HSPG2: variants seen among roughly 807,000 people sequenced by gnomAD.
HSPG2 encodes heparan sulfate proteoglycan 2.
HSPG2 carries 278 observed loss-of-function variants against 526.6 expected under a neutral mutation model. The observed-to-expected ratio is 0.53, with a 90% confidence interval of 0.48 to 0.58. The LOEUF (loss-of-function observed/expected upper bound fraction) is 0.58. HSPG2 is among the 20% of genes least tolerant of loss of function. The pLI is 0.00. For missense variants in HSPG2, 5,354 were observed against 6,099.5 expected (o/e 0.88, Z 4.07); for synonymous variants, 2,465 against 2,555.4 (o/e 0.96, Z 1.07).
In HSPG2 at chr1:21,855,684, T is replaced by A. The variant is rs1215549721; in HGVS notation, c.5702-9A>T. 3 of 1,580,066 alleles carry A rather than the reference T, an allele frequency of 1.9e-6. No individual in the cohort carries two copies. The highest frequency in any genetic ancestry group is 1.7e-4 in the Middle Eastern group (1 of 6,042). On this transcript the variant is annotated splice_polypyrimidine_tract_variant and intron_variant, in intron 45 of 96. Transcript: ENST00000374695. ...CTGGCCGCCGGGGCCCCCTGACGAGTAGACGTGGGGTCAGCACCCACCAAG... is the reference window on the plus strand; with the variant it reads ...CTGGCCGCCGGGGCCCCCTGACGAGAAGACGTGGGGTCAGCACCCACCAAG...
At chr1:21,870,356 G>T in intron 33 of HSPG2, 1 of 935,886 alleles carries the variant, frequency 1.1e-6, no homozygotes, top group Non-Finnish European at 1.3e-6. Flanking sequence ...ACCTCCCAAA[G>T]TCCTGGAGCT....
At chr1:21,841,489 A>T in intron 70 of HSPG2, 50 bp downstream of exon 70, 1 of 1,612,208 alleles carries the variant, frequency 6.2e-7, no homozygotes, top group Non-Finnish European at 8.5e-7. Context: ...CTGAGCTGAG[A>T]ATCAGGGCTG....
At position 21,832,483 on chromosome 1, in the gene HSPG2, TG is replaced by T. The variant is rs779369765; in HGVS notation, c.11207+11del. 8.1e-6 allele frequency: 13 copies of T among 1,608,184 alleles called. No individual in the cohort carries two copies. Among genetic ancestry groups the T allele is most frequent in the Non-Finnish European group, 1.1e-5 (13 of 1,174,534 alleles). On this transcript the variant is annotated intron_variant, in intron 81 of 96. Transcript: ENST00000374695. ...CCAGTCCCCCTGTAGGTGGGGAGGC[TG>T]GGGGTCTCACCGGAACTCGGGCCTT...
Position 21,861,998 on chromosome 1 carries a change from G to T in HSPG2, c.4858C>A (p.Pro1620Thr). The change falls in exon 38 of 97, where the codon CCA (proline) becomes ACA (threonine). Residue 1620 changes from proline to threonine, a missense_variant. By Grantham distance (38) the Pro-to-Thr change is conservative (BLOSUM62 -1). Coordinates refer to ENST00000374695, the MANE Select transcript of HSPG2 (RefSeq NM_005529.7). ...CQPCACPLTNPENMFSRTCES... is the reference protein window; with the variant it reads ...CQPCACPLTNTENMFSRTCES... ...AGCTAGGGTACCCACATGTTCTCTG[G>T]GTTGGTCAGTGGGCAGGCACAGGGC... 2 of 1,614,190 alleles carry T rather than the reference G, an allele frequency of 1.2e-6. No homozygotes were observed. The highest frequency in any genetic ancestry group is 1.7e-6 in the Non-Finnish European group (2 of 1,180,038).
At chr1:21,834,176 T>C (rs999211605) in intron 77 of HSPG2, among the ~76,000 whole-genome samples, 3 of 152,136 alleles carry the variant, frequency 2.0e-5, no homozygotes, top group South Asian at 2.1e-4. Flanking sequence ...GGGCAAAAAA[T>C]TGTGCAGCCC....
Position 21,823,299 on chromosome 1 carries a change from G to T in HSPG2, c.*17C>A, listed in dbSNP as rs1336826287. 2 of 1,511,100 alleles carry T rather than the reference G, an allele frequency of 1.3e-6. No homozygotes were observed. Among genetic ancestry groups the T allele is most frequent in the East Asian group, 2.5e-5 (1 of 40,558 alleles). The allele number at this position is 1,511,100 out of a possible 1,614,324, so 93.6% of individuals were successfully genotyped here. ...GCTGGGGCGTGGCCCGGGAGTCCGT[G>T]TGGGGCAGGCAGGTGCCTACGAGGG... On this transcript the variant is annotated 3_prime_UTR_variant, in exon 97 of 97. Coordinates refer to ENST00000374695, the MANE Select transcript of HSPG2 (RefSeq NM_005529.7).
rs1389372818 is a variant in HSPG2 at position 21,822,433 on chromosome 1, C to G, written c.*883G>C. 1.7e-6 allele frequency: 1 copy of G among 579,778 alleles called. No homozygotes were observed. The highest frequency in any genetic ancestry group is 2.9e-5 in the East Asian group (1 of 34,516). The allele number at this position is 579,778 out of a possible 1,614,324, so 35.9% of individuals were successfully genotyped here. ...ATATCCCCCTCCTCTCTCTCTCAGT[C>G]GTGAGTCCTGCCTTCCCCCACCTAA... On this transcript the variant is annotated 3_prime_UTR_variant, in exon 97 of 97. Coordinates refer to ENST00000374695, the MANE Select transcript of HSPG2 (RefSeq NM_005529.7).
At position 21,855,622 on chromosome 1, in the gene HSPG2, G is replaced by A. The variant is rs2229474; in HGVS notation, c.5755C>T (p.Arg1919Cys). 9.8e-3 allele frequency: 15,462 copies of A among 1,576,754 alleles called. 99 individuals are homozygous for A. Among genetic ancestry groups the A allele is most frequent in the Non-Finnish European group, 0.012 (13,934 of 1,164,142 alleles). Residue 1919 changes from arginine to cysteine, a missense_variant, in exon 46 of 97, where the codon CGC becomes TGC. By Grantham distance (180) the Arg-to-Cys change is radical. Transcript: ENST00000374695. ...AKAQIHGGIL[R>C]LPAVEPTDQA... ...TCCGTGGGCTCGACAGCTGGCAGGC[G>A]CAGGATGCCGCCGTGGATTTGTGCC...
intron 1 of HSPG2, among the ~76,000 whole-genome samples, chr1:21,922,169 A>G (rs1644057383): frequency 6.6e-6 from 1 of 152,178 alleles, no homozygotes; most frequent in Admixed American, 6.5e-5. Context: ...ATGATCTCTA[A>G]TCTTCACCAA....
In HSPG2 at chr1:21,847,913, C is replaced by T. The variant is rs764619912; in HGVS notation, c.7873+45G>A. Reference sequence around the variant, plus strand: ...GATGGCACCGGGGACCTCTCTGCCACCCTCTGCGCCACTTGTCTGTACCCC... The same window carrying T: ...GATGGCACCGGGGACCTCTCTGCCATCCTCTGCGCCACTTGTCTGTACCCC... On this transcript the variant is annotated intron_variant, in intron 60 of 96. Coordinates refer to ENST00000374695, the MANE Select transcript of HSPG2 (RefSeq NM_005529.7). The surrounding 1 kb of genome is among the most constrained non-coding windows in gnomAD (Gnocchi z 4.1). The T allele has an allele frequency of 3.1e-6, 5 of 1,613,816 alleles. No homozygotes were observed. The highest frequency in any genetic ancestry group is 1.1e-5 in the South Asian group (1 of 91,086).
Position 21,910,674 on chromosome 1 carries a change from TACTG to T in HSPG2, c.64-14368_64-14365del, listed in dbSNP as rs943298169. Among the ~76,000 whole-genome samples, 4 of 152,130 alleles carry T rather than the reference TACTG, an allele frequency of 2.6e-5. No homozygotes were observed. The South Asian group carries it at 6.2e-4, about 24-fold the overall frequency. ...ACACAGTAGGTGCCAAATAAATATT[TACTG>T]ACTGATACAAATATTTAAAGAATGT... On this transcript the variant is annotated intron_variant, in intron 1 of 96. Coordinates refer to ENST00000374695, the MANE Select transcript of HSPG2 (RefSeq NM_005529.7).
At chr1:21,930,130 G>T (rs1644311007) in intron 1 of HSPG2, among the ~76,000 whole-genome samples, 1 of 151,852 alleles carries the variant, frequency 6.6e-6, no homozygotes, top group East Asian at 1.9e-4. Context: ...CAGCCCCACG[G>T]GCCTCCTTGC....
intron 1 of HSPG2, among the ~76,000 whole-genome samples, chr1:21,906,430 G>T (rs1450730238): frequency 6.6e-6 from 1 of 152,212 alleles, no homozygotes; most frequent in Non-Finnish European, 1.5e-5. Context: ...AAGGAGGTCG[G>T]CTCCCCCTGC....
Position 21,828,456 on chromosome 1 carries a change from A to C in HSPG2, c.12238-30T>G. On this transcript the variant is annotated intron_variant, in intron 88 of 96. Coordinates refer to ENST00000374695, the MANE Select transcript of HSPG2 (RefSeq NM_005529.7). This position sits in a 1 kb window ranked among gnomAD's most constrained non-coding sequence, Gnocchi z 6.0. The stretch of plus-strand genomic sequence containing the variant: ...GGGGACAGGGACACCGAGGGACTAA[A>C]GGGGCCTGGGAGGCAGAGACCCAGG... The C allele has an allele frequency of 6.2e-7, 1 of 1,610,034 alleles. No individual in the cohort carries two copies. The highest frequency in any genetic ancestry group is 8.5e-7 in the Non-Finnish European group (1 of 1,179,254).
Position 21,875,599 on chromosome 1 carries a change from T to A in HSPG2, c.3302+30A>T, listed in dbSNP as rs778685782. On this transcript the variant is annotated intron_variant, in intron 25 of 96. Coordinates refer to ENST00000374695, the MANE Select transcript of HSPG2 (RefSeq NM_005529.7). ...TAGATGGAGCCCCTCCCCAAGCCCA[T>A]GCTGGTCCTCCTGCCCCGGCTCCAG... 3.8e-6 allele frequency: 6 copies of A among 1,560,686 alleles called. No homozygotes were observed. The Admixed American group carries it at 1.0e-4, about 26-fold the overall frequency.
intron 57 of HSPG2, among the ~76,000 whole-genome samples, 169 bp downstream of exon 57, chr1:21,849,872 G>T (rs1469687866): frequency 1.3e-5 from 2 of 152,188 alleles, no homozygotes; most frequent in African/African-American, 4.8e-5. Context: ...TAGAGATGGG[G>T]TTTCATTATG....
intron 1 of HSPG2, among the ~76,000 whole-genome samples, chr1:21,923,813 A>G (rs1644110626): frequency 6.6e-6 from 1 of 152,172 alleles, no homozygotes; most frequent in South Asian, 2.1e-4. Context: ...GATCCAACAC[A>G]AGGCCTCGCA....
At position 21,890,715 on chromosome 1, in the gene HSPG2, C is replaced by A. The variant is rs770427672; in HGVS notation, c.245-21G>T. The A allele has an allele frequency of 1.3e-6, 2 of 1,569,108 alleles. No individual in the cohort carries two copies. Among genetic ancestry groups the A allele is most frequent in the African/African-American group, 2.7e-5 (2 of 74,090 alleles). ...ATAAACTGGAAAATCGAAGGAGGAT[C>A]ATTTTGAGAGCCCCAGCCTGGCATC... On this transcript the variant is annotated intron_variant, in intron 3 of 96. Coordinates refer to ENST00000374695, the MANE Select transcript of HSPG2 (RefSeq NM_005529.7). The surrounding 1 kb of genome is among the most constrained non-coding windows in gnomAD (Gnocchi z 4.1).
chr1:21,871,258 G>GT (rs5772965), intron 33 of HSPG2, among the ~76,000 whole-genome samples: 86,549 of 114,628 alleles, frequency 0.76, 33,518 homozygotes, highest in East Asian at 0.86. Context: ...CAGAGTATTT[G>GT]TTTTTTTTTT....
Sources: allele counts gnomAD v4.1 joint callset (sites outside exome capture counted in the v4.1 genomes callset), GRCh38; gene constraint gnomAD v4.1.1; non-coding constraint Gnocchi (gnomAD v3.1); transcripts MANE v1.5; gene names NCBI Gene and HGNC (gene_info 2026-07-23, HGNC 2026-07-21).